Variants in KLF12 observed in about 807,000 individuals in gnomAD.
KLF12 encodes the protein Krueppel-like factor 12.
A neutral mutation model predicts 37.8 loss-of-function variants in KLF12; 9 were observed. That is an observed-to-expected ratio of 0.24 (90% CI 0.14 to 0.42). The LOEUF is 0.42. Among genes scored for constraint, KLF12 ranks in the 10% least tolerant of loss-of-function variants. The pLI is 1.00. For missense variants in KLF12, 411 were observed against 516.0 expected (o/e 0.80, Z 1.97); for synonymous variants, 208 against 202.1 (o/e 1.03, Z -0.25).
chr13:74,193,957 T>C, the KLF12 span, among the ~76,000 whole-genome samples: 1 of 152,212 alleles, frequency 6.6e-6, no homozygotes, highest in Admixed American at 6.5e-5. Flanking sequence ...AATAGTTTTC[T>C]AAGTGGATGG....
chr13:74,087,335 A>C (rs1005991181), intron 1 of KLF12, among the ~76,000 whole-genome samples: 2 of 151,364 alleles, frequency 1.3e-5, no homozygotes, highest in Non-Finnish European at 2.9e-5. Context: ...GGGTTTAAAA[A>C]AAATTTTTTT....
chr13:73,833,523 T>C (rs140110461), intron 4 of KLF12, among the ~76,000 whole-genome samples: 138 of 151,754 alleles, frequency 9.1e-4, no homozygotes, highest in African/African-American at 3.3e-3. Flanking sequence ...CACTTAAGAG[T>C]GTTTATTGTG....
At chr13:74,092,345 G>A (rs1026092677) in intron 1 of KLF12, among the ~76,000 whole-genome samples, 33 of 149,906 alleles carry the variant, frequency 2.2e-4, no homozygotes, top group Non-Finnish European at 4.7e-4. Flanking sequence ...AAACTTCTGT[G>A]CAAAGGATAC....
intron 4 of KLF12, among the ~76,000 whole-genome samples, chr13:73,841,941 T>C (rs889621429): frequency 3.9e-5 from 6 of 152,138 alleles, no homozygotes; most frequent in Admixed American, 3.9e-4. Context: ...TAGGACATCA[T>C]TCCATTTTTC....
At chr13:73,955,226 T>C (rs1229427848) in intron 2 of KLF12, among the ~76,000 whole-genome samples, 2 of 152,242 alleles carry the variant, frequency 1.3e-5, no homozygotes, top group Admixed American at 6.5e-5. Context: ...ATTTCACTTA[T>C]TCTTCCCAAA....
At chr13:73,959,444 A>T (rs1444907315) in intron 2 of KLF12, among the ~76,000 whole-genome samples, 1 of 151,808 alleles carries the variant, frequency 6.6e-6, no homozygotes, top group Non-Finnish European at 1.5e-5. Flanking sequence ...GCAATTGTTG[A>T]TGCTAGATAA....
chr13:74,217,587 C>G, the KLF12 span, among the ~76,000 whole-genome samples: 1 of 152,002 alleles, frequency 6.6e-6, no homozygotes, highest in Admixed American at 6.6e-5. Flanking sequence ...ATTAGCCGGG[C>G]GTGGTGGTGT....
chr13:74,205,479 C>T, the KLF12 span, among the ~76,000 whole-genome samples: 1 of 152,098 alleles, frequency 6.6e-6, no homozygotes, highest in African/African-American at 2.4e-5. Context: ...GCATGTGTGA[C>T]TTTCTTCCTA....
chr13:73,963,018 T>C (rs1891065467), intron 2 of KLF12, among the ~76,000 whole-genome samples: 1 of 152,192 alleles, frequency 6.6e-6, no homozygotes, highest in African/African-American at 2.4e-5. Context: ...TTTTAGCATT[T>C]TGTCAACACC....
chr13:74,275,034 G>A, the KLF12 span, among the ~76,000 whole-genome samples: 1 of 152,086 alleles, frequency 6.6e-6, no homozygotes, highest in Non-Finnish European at 1.5e-5. Context: ...CATACTTTTA[G>A]TGAAGCAAGG....
At chr13:73,740,466 A>G (rs1255048893) in intron 6 of KLF12, among the ~76,000 whole-genome samples, 1 of 152,210 alleles carries the variant, frequency 6.6e-6, no homozygotes, top group African/African-American at 2.4e-5. Flanking sequence ...GCATTATCAC[A>G]GAAGATGATT....
At chr13:73,937,010 T>C (rs1184657300) in intron 3 of KLF12, among the ~76,000 whole-genome samples, 1 of 152,026 alleles carries the variant, frequency 6.6e-6, no homozygotes, top group African/African-American at 2.4e-5. Flanking sequence ...GTCAACATGG[T>C]GAAACCCCGT....
chr13:74,035,125 G>A (rs768284945), intron 1 of KLF12, among the ~76,000 whole-genome samples: 2 of 152,048 alleles, frequency 1.3e-5, no homozygotes, highest in Non-Finnish European at 2.9e-5. Flanking sequence ...TTGGTTCTAG[G>A]ACTCCCACCA....
At chr13:73,755,821 A>T (rs993639259) in intron 6 of KLF12, among the ~76,000 whole-genome samples, 5 of 151,612 alleles carry the variant, frequency 3.3e-5, no homozygotes, top group Admixed American at 3.3e-4. Context: ...CTCATAGCTT[A>T]GCTGCCACTT....
intron 5 of KLF12, among the ~76,000 whole-genome samples, chr13:73,773,699 T>C (rs1208250713): frequency 2.0e-5 from 3 of 152,182 alleles, no homozygotes; most frequent in African/African-American, 4.8e-5. Flanking sequence ...GTCCCTTTAA[T>C]GGCTTTCCAT....
rs991505182 is a variant in KLF12 at position 73,871,355 on chromosome 13, C to T, written c.124-24982G>A. Among the ~76,000 whole-genome samples the T allele has an allele frequency of 5.3e-5, 8 of 152,176 alleles. No homozygotes were observed. In the East Asian group the frequency reaches 7.7e-4, roughly 15 times the overall value. On this transcript the variant is annotated intron_variant, in intron 3 of 7. Transcript: ENST00000377669. The stretch of plus-strand genomic sequence containing the variant: ...TCTCTTCAATGAATAAGCGAGCATT[C>T]GCTATACTAAATTCCTGTTCTCCTG...
chr13:74,282,050 C>G, the KLF12 span, among the ~76,000 whole-genome samples: 1 of 152,132 alleles, frequency 6.6e-6, no homozygotes, highest in African/African-American at 2.4e-5. Flanking sequence ...TTAGTAAGGT[C>G]AGTCAATTAC....
chr13:74,018,977 C>T (rs896159954), intron 1 of KLF12, among the ~76,000 whole-genome samples: 2 of 152,074 alleles, frequency 1.3e-5, no homozygotes, highest in African/African-American at 4.8e-5. Flanking sequence ...ATCAGGCATG[C>T]TTTATTCAGC....
At chr13:73,962,516 T>C (rs1187903823) in intron 2 of KLF12, among the ~76,000 whole-genome samples, 3 of 152,230 alleles carry the variant, frequency 2.0e-5, no homozygotes, top group African/African-American at 7.2e-5. Context: ...GGTTCATCCA[T>C]TGTAACAAAT....
Sources: allele counts gnomAD v4.1 joint callset (sites outside exome capture counted in the v4.1 genomes callset), GRCh38; gene constraint gnomAD v4.1.1; transcripts MANE v1.5; gene names NCBI Gene and HGNC (gene_info 2026-07-23, HGNC 2026-07-21).